AVEN: variants seen among roughly 807,000 people sequenced by gnomAD.
AVEN encodes the protein cell death regulator Aven.
A neutral mutation model predicts 38.1 loss-of-function variants in AVEN; 41 were observed. That is an observed-to-expected ratio of 1.08 (90% CI 0.84 to 1.40). The LOEUF is 1.40. AVEN is among the 40% of genes most tolerant of loss of function. The probability of loss-of-function intolerance (pLI) is 0.00; values close to 1 mark genes in which losing one functional copy is unlikely to be tolerated. For missense variants in AVEN, 605 were observed against 438.8 expected, an observed-to-expected ratio of 1.38 and a Z score of -3.38; for synonymous variants, 206 against 171.8, an observed-to-expected ratio of 1.20 and a Z score of -1.56.
intron 2 of AVEN, among the ~76,000 whole-genome samples, chr15:34,002,436 T>G (rs603152): frequency 0.51 from 76,598 of 151,548 alleles, 21,743 homozygotes; most frequent in Non-Finnish European, 0.63. Context: ...CCAGCACTCC[T>G]CCATTCTTCC....
At chr15:34,006,272 T>C (rs530337838) in intron 1 of AVEN, among the ~76,000 whole-genome samples, 29 of 151,820 alleles carry the variant, frequency 1.9e-4, no homozygotes, top group African/African-American at 5.8e-4. Flanking sequence ...GATCACGCCA[T>C]TGCAATCCAG....
At chr15:34,065,254 G>C (rs1900480062) in intron 4 of AVEN, 1 of 152,254 alleles carries the variant, frequency 6.6e-6, no homozygotes, top group African/African-American at 2.4e-5. Context: ...CCAGGCTGTT[G>C]AATTAAGGTT....
chr15:34,008,100 C>A (rs1363914435), intron 1 of AVEN, among the ~76,000 whole-genome samples: 1 of 152,054 alleles, frequency 6.6e-6, no homozygotes, highest in Non-Finnish European at 1.5e-5. Flanking sequence ...GAAAAAATCA[C>A]CTATCACAGG....
chr15:33,931,349 C>CTTTTTTTTTTTTTT (rs71119903), intron 2 of AVEN, among the ~76,000 whole-genome samples: 5 of 89,270 alleles, frequency 5.6e-5, no homozygotes, highest in Admixed American at 2.7e-4. Context: ...TGAATATTTT[C>CTTTTTTTTTTTTTT]TTTTTTTTTT....
At chr15:33,943,823 T>TAAAAAA (rs71119905) in intron 2 of AVEN, among the ~76,000 whole-genome samples, 59 of 88,874 alleles carry the variant, frequency 6.6e-4, no homozygotes, top group East Asian at 5.9e-3. Context: ...ACTCCGTCTT[T>TAAAAAA]AAAAAAAAAA....
downstream of AVEN, chr15:33,864,012 GA>G: frequency 6.3e-6 from 4 of 636,424 alleles, no homozygotes; most frequent in South Asian, 8.2e-5. Flanking sequence ...ACACTTCCCT[GA>G]TCATTTAAGT....
chr15:34,033,363 G>A (rs56743146), intron 1 of AVEN, among the ~76,000 whole-genome samples: 15,738 of 152,076 alleles, frequency 0.1, 1,031 homozygotes, highest in East Asian at 0.33. Context: ...AAAATTAGCC[G>A]GGTGTGGCGG....
At position 33,921,083 on chromosome 15, in the gene AVEN, G is replaced by A. The variant is rs117932670; in HGVS notation, c.446-45088C>T. On this transcript the variant is annotated intron_variant, in intron 2 of 5. Transcript: ENST00000306730. Reference sequence around the variant, plus strand: ...GAGCTACCGCACCTGGCCCTTCCTCGTGTTTCAATAGGTAAATTTATGTGT... The same window carrying A: ...GAGCTACCGCACCTGGCCCTTCCTCATGTTTCAATAGGTAAATTTATGTGT... Among the ~76,000 whole-genome samples, 9 of 152,244 alleles carry A rather than the reference G, an allele frequency of 5.9e-5. No homozygotes were observed. In the East Asian group the frequency reaches 1.2e-3, roughly 20 times the overall value.
rs190272452 is a variant in AVEN, at chr15:34,033,666, A to G, written c.267+5114T>C. On this transcript the variant is annotated intron_variant, in intron 1 of 5. Coordinates refer to ENST00000306730, the MANE Select transcript of AVEN (RefSeq NM_020371.3). Reference sequence around the variant, plus strand: ...AAGACATGAAATGGTAACCACTAAAAAACTTTCAAGTATGAAATATATTCT... The same window carrying G: ...AAGACATGAAATGGTAACCACTAAAGAACTTTCAAGTATGAAATATATTCT... Among the ~76,000 whole-genome samples the G allele has an allele frequency of 2.0e-5, 3 of 152,344 alleles. No homozygotes were observed. The East Asian group carries it at 5.8e-4, about 29-fold the overall frequency.
At chr15:33,853,430 A>C in the AVEN span, 12 of 1,228,304 alleles carry the variant, frequency 9.8e-6, no homozygotes, top group Non-Finnish European at 1.3e-5. Flanking sequence ...CTGCATTTTG[A>C]ACTATGTCTT....
intron 1 of AVEN, among the ~76,000 whole-genome samples, chr15:34,021,290 CT>C (rs911480926): frequency 8.7e-4 from 127 of 145,428 alleles, no homozygotes; most frequent in Non-Finnish European, 8.2e-4. Flanking sequence ...TTTTCTGTAT[CT>C]TTTTTTTTTT....
intron 2 of AVEN, among the ~76,000 whole-genome samples, chr15:33,981,113 T>A (rs1896123270): frequency 6.6e-6 from 1 of 152,192 alleles, no homozygotes; most frequent in African/African-American, 2.4e-5. Context: ...CAACCCCTCT[T>A]AATTTTCTCT....
rs983860645 is a variant in AVEN, at chr15:33,860,040, A to G, written n.2730-946T>C. Reference sequence around the variant, plus strand: ...TCCTGTGGCTAGTCTTGTCCTCTTCATTTTCTTCCCAGAGAGGGAGGTAGG... The same window carrying G: ...TCCTGTGGCTAGTCTTGTCCTCTTCGTTTTCTTCCCAGAGAGGGAGGTAGG... On this transcript the variant is annotated intron_variant and non_coding_transcript_variant, in intron 11 of 11. Transcript: ENST00000675287. Among the ~76,000 whole-genome samples the G allele has an allele frequency of 4.6e-5, 7 of 151,962 alleles. No homozygotes were observed. In the South Asian group the frequency reaches 1.2e-3, roughly 27 times the overall value.
chr15:33,958,327 C>A (rs1392827738), intron 2 of AVEN, among the ~76,000 whole-genome samples: 1 of 152,160 alleles, frequency 6.6e-6, no homozygotes, highest in Non-Finnish European at 1.5e-5. Flanking sequence ...CGCCTGCAGT[C>A]CCAGCCCTTT....
At chr15:33,917,625 T>TAC (rs1206827826) in intron 2 of AVEN, among the ~76,000 whole-genome samples, 4 of 151,690 alleles carry the variant, frequency 2.6e-5, no homozygotes, top group African/African-American at 9.7e-5. Flanking sequence ...TACATATATA[T>TAC]ACACACACAC....
rs201993248 is a variant in AVEN at position 33,911,395 on chromosome 15, CCCT to C, written c.446-35403_446-35401del. Among the ~76,000 whole-genome samples the C allele has an allele frequency of 3.8e-3, 574 of 152,300 alleles. 8 individuals carry two copies. The highest frequency in any genetic ancestry group is 0.029 in the South Asian group (138 of 4,826). ...CTGTGTTTAGCTTTGTTCCCTGCCC[CCCT>C]CCTTTTTTGCTAACATACCTTTGAA... On this transcript the variant is annotated intron_variant, in intron 2 of 5. Transcript: ENST00000306730.
intron 2 of AVEN, among the ~76,000 whole-genome samples, chr15:33,998,782 C>T (rs1897031235): frequency 6.6e-6 from 1 of 152,210 alleles, no homozygotes. Flanking sequence ...GTTCTTTCTT[C>T]TACCACTCAT....
chr15:34,043,158 A>T (rs1262466483), upstream of AVEN, among the ~76,000 whole-genome samples: 1 of 151,834 alleles, frequency 6.6e-6, no homozygotes, highest in Non-Finnish European at 1.5e-5. Context: ...GAGGCAGGAG[A>T]ATGGCGTGAA....
intron 2 of AVEN, chr15:33,883,574 T>C (rs535586749): frequency 2.0e-5 from 3 of 147,574 alleles, no homozygotes; most frequent in South Asian, 2.2e-4. Context: ...GATACATATA[T>C]AGATATAAAG....
Sources: gnomAD v4.1 joint callset for allele counts (sites outside exome capture counted in the v4.1 genomes callset) on GRCh38, gnomAD v4.1.1 for gene constraint, MANE v1.5 for transcripts, NCBI Gene and HGNC (gene_info 2026-07-23, HGNC 2026-07-21) for gene names.